The following RAPGEF4 variants were observed in gnomAD, a reference collection of about 807,000 sequenced individuals.
The protein encoded by RAPGEF4 is Rap guanine nucleotide exchange factor 4.
Under a neutral mutation model 147.9 loss-of-function variants are expected in RAPGEF4, and 66 were observed. The observed-to-expected ratio is 0.45, with a 90% CI of 0.37 to 0.55. The LOEUF (loss-of-function observed/expected upper bound fraction) is 0.55. Ranked by LOEUF, RAPGEF4 falls within the 20% of genes least tolerant of loss-of-function variation. The pLI is 0.00. For synonymous variants in RAPGEF4, 419 were observed against 442.7 expected (o/e 0.95, Z 0.67); for missense variants, 1,071 against 1,257.3 (o/e 0.85, Z 2.24).
At chr2:172,819,750 C>T (rs1288605924) in intron 4 of RAPGEF4, among the ~76,000 whole-genome samples, 1 of 152,144 alleles carries the variant, frequency 6.6e-6, no homozygotes, top group Non-Finnish European at 1.5e-5. Flanking sequence ...CAGGCGTGAA[C>T]CACCGCGCCC....
chr2:172,993,983 T>A (rs1270134085), intron 15 of RAPGEF4, among the ~76,000 whole-genome samples: 1 of 152,246 alleles, frequency 6.6e-6, no homozygotes, highest in African/African-American at 2.4e-5. Flanking sequence ...CTCAGATCTC[T>A]ATTACTTTTG....
intron 8 of RAPGEF4, among the ~76,000 whole-genome samples, chr2:172,961,796 T>G (rs1329170605): frequency 6.6e-6 from 1 of 152,224 alleles, no homozygotes; most frequent in Non-Finnish European, 1.5e-5. Flanking sequence ...TATTCACAAG[T>G]TTAGCACTTA....
At chr2:172,978,332 G>T (rs1691316532) in intron 10 of RAPGEF4, among the ~76,000 whole-genome samples, 1 of 152,196 alleles carries the variant, frequency 6.6e-6, no homozygotes, top group Admixed American at 6.5e-5. Context: ...CTCACTAGTT[G>T]CCAAAATAGC....
At chr2:172,915,770 ATG>A (rs1684009036) in intron 4 of RAPGEF4, among the ~76,000 whole-genome samples, 1 of 151,880 alleles carries the variant, frequency 6.6e-6, no homozygotes, top group African/African-American at 2.4e-5. Flanking sequence ...AAGTGGATAA[ATG>A]TGTAGATGAA....
intron 26 of RAPGEF4, among the ~76,000 whole-genome samples, chr2:173,031,852 A>G (rs546982383): frequency 6.6e-6 from 1 of 152,204 alleles, no homozygotes; most frequent in Admixed American, 6.5e-5. Flanking sequence ...TAATTATATA[A>G]TTCTGTATGG....
At chr2:172,763,581 T>C (rs1246962435) in intron 1 of RAPGEF4, among the ~76,000 whole-genome samples, 1 of 152,202 alleles carries the variant, frequency 6.6e-6, no homozygotes, top group Non-Finnish European at 1.5e-5. Context: ...TACCTTTTGA[T>C]TATCATCTCA....
intron 4 of RAPGEF4, among the ~76,000 whole-genome samples, chr2:172,855,940 T>C (rs1275717429): frequency 6.6e-6 from 1 of 152,150 alleles, no homozygotes; most frequent in Admixed American, 6.5e-5. Context: ...GTCTTTGTTT[T>C]GTTTTGTTTT....
chr2:172,981,375 A>C (rs1691667443), intron 10 of RAPGEF4, among the ~76,000 whole-genome samples: 1 of 152,232 alleles, frequency 6.6e-6, no homozygotes. Context: ...CAAGAGTCCC[A>C]GTTTCAAAAT....
At chr2:172,952,591 AT>A (rs1688312424) in intron 6 of RAPGEF4, among the ~76,000 whole-genome samples, 1 of 152,226 alleles carries the variant, frequency 6.6e-6, no homozygotes, top group African/African-American at 2.4e-5. Context: ...TGGTATTGCC[AT>A]TATAAGAAAA....
At chr2:173,034,788 C>T (rs1189635959) in intron 27 of RAPGEF4, among the ~76,000 whole-genome samples, 1 of 151,608 alleles carries the variant, frequency 6.6e-6, no homozygotes, top group African/African-American at 2.4e-5. Context: ...ATGGGAAGAT[C>T]GCTTGAGCCA....
chr2:172,992,483 C>T (rs368927199), intron 15 of RAPGEF4, among the ~76,000 whole-genome samples: 3 of 152,174 alleles, frequency 2.0e-5, no homozygotes, highest in East Asian at 1.9e-4. Flanking sequence ...AAAAGGCAAG[C>T]CTTGAGAATT....
chr2:172,929,377 C>T (rs531809164), intron 6 of RAPGEF4, among the ~76,000 whole-genome samples: 2 of 152,074 alleles, frequency 1.3e-5, no homozygotes, highest in African/African-American at 4.8e-5. Context: ...AGACAGATGA[C>T]AGATAAATGC....
intron 12 of RAPGEF4, among the ~76,000 whole-genome samples, chr2:172,987,976 G>A (rs1403601550): frequency 6.6e-6 from 1 of 152,208 alleles, no homozygotes; most frequent in East Asian, 1.9e-4. Context: ...AAAAACCTAT[G>A]TTTTAGGGCA....
chr2:173,015,463 C>G (rs778400277), intron 18 of RAPGEF4, among the ~76,000 whole-genome samples: 11 of 152,180 alleles, frequency 7.2e-5, no homozygotes, highest in Non-Finnish European at 2.9e-5. Flanking sequence ...GAAACATACA[C>G]CGTCTCTCCT....
intron 1 of RAPGEF4, among the ~76,000 whole-genome samples, chr2:172,771,245 T>C (rs932644535): frequency 1.5e-4 from 23 of 152,132 alleles, no homozygotes; most frequent in Admixed American, 1.5e-3. Context: ...GCCCTCTTGC[T>C]GTGGAAGGGG....
chr2:172,893,053 C>A (rs1205180090), intron 4 of RAPGEF4, among the ~76,000 whole-genome samples: 1 of 152,166 alleles, frequency 6.6e-6, no homozygotes, highest in African/African-American at 2.4e-5. Flanking sequence ...TAAACATTTC[C>A]AAAAGCCCCC....
chr2:172,970,830 TGTG>T (rs1690399736), intron 10 of RAPGEF4, among the ~76,000 whole-genome samples: 1 of 152,178 alleles, frequency 6.6e-6, no homozygotes, highest in Non-Finnish European at 1.5e-5. Context: ...ACATTCTGCA[TGTG>T]AAATTAGCTT....
chr2:172,930,164 T>A (rs1164348583), intron 6 of RAPGEF4, among the ~76,000 whole-genome samples: 1 of 152,170 alleles, frequency 6.6e-6, no homozygotes, highest in Non-Finnish European at 1.5e-5. Flanking sequence ...TATGCCAGGC[T>A]GATAGCATTG....
At chr2:172,994,471 C>T (rs1342257594) in intron 15 of RAPGEF4, among the ~76,000 whole-genome samples, 1 of 152,184 alleles carries the variant, frequency 6.6e-6, no homozygotes, top group East Asian at 1.9e-4. Flanking sequence ...GGCATGATGC[C>T]TCCCCGTCCT....
Sources: allele counts gnomAD v4.1 joint callset (sites outside exome capture counted in the v4.1 genomes callset), GRCh38; gene constraint gnomAD v4.1.1; transcripts MANE v1.5; gene names NCBI Gene and HGNC (gene_info 2026-07-23, HGNC 2026-07-21).